Variants in ASB13 observed in about 807,000 individuals in gnomAD.
ASB13 encodes ankyrin repeat and SOCS box protein 13.
Under a neutral mutation model 28.8 loss-of-function variants are expected in ASB13, and 33 were observed. The ratio of observed to expected loss-of-function variants is 1.15; its 90% CI spans 0.87 to 1.53. ASB13 has a LOEUF of 1.53. ASB13 is among the 40% of genes most tolerant of loss of function. ASB13 has a pLI of 0.00. For synonymous variants in ASB13, 182 were observed against 172.9 expected (o/e 1.05, Z -0.41); for missense variants, 414 against 390.1 (o/e 1.06, Z -0.52).
Position 5,641,810 on chromosome 10 carries a change from C to T in ASB13, c.669G>A (p.Trp223Ter). Residue 223 changes from tryptophan (W) to a stop codon, truncating the protein, a stop_gained, in exon 5 of 6, where the codon TGG (tryptophan) becomes TGA (stop). Transcript: ENST00000357700. LOFTEE classifies it high-confidence loss of function. The surrounding 1 kb of genome is among the most constrained non-coding windows in gnomAD (Gnocchi z 8.4). ...AGCACTTGGCGGGAGCGCTGCTGCT[C>T]CACGTGTAGTCAGACGGCTTCTTCC... is the stretch of plus-strand genomic sequence containing the variant. ...NRGKKPSDYT[W>*]SSSAPAKCFE... The T allele has an allele frequency of 1.9e-6, 3 of 1,610,968 alleles. No individual in the cohort carries two copies. In the South Asian group the frequency reaches 3.3e-5, roughly 18 times the overall value.
chr10:5,653,743 G>A (rs1407797751), intron 1 of ASB13, among the ~76,000 whole-genome samples: 1 of 152,114 alleles, frequency 6.6e-6, no homozygotes, highest in Admixed American at 6.5e-5. Flanking sequence ...GTGCAATGGT[G>A]TGATCTCAGC....
In ASB13 at chr10:5,652,338, C is replaced by A. The variant is rs2131450342; in HGVS notation, c.231+525G>T. 6.6e-6 allele frequency among the ~76,000 whole-genome samples: 1 copy of A among 152,312 alleles called. No homozygotes were observed. Among genetic ancestry groups the A allele is most frequent in the East Asian group, 1.9e-4 (1 of 5,192 alleles). ...TACATTGGCCAGGGGTGTGCAGGGC[C>A]AGTGTTTGCCAGCTCGGGAGAGCTG... On this transcript the variant is annotated intron_variant, in intron 2 of 5. Coordinates refer to ENST00000357700, the MANE Select transcript of ASB13 (RefSeq NM_024701.4). This position sits in a 1 kb window ranked among gnomAD's most constrained non-coding sequence, Gnocchi z 5.0.
intron 1 of ASB13, among the ~76,000 whole-genome samples, chr10:5,657,888 C>T (rs542716822): frequency 5.3e-5 from 8 of 152,246 alleles, no homozygotes; most frequent in Non-Finnish European, 1.2e-4. Flanking sequence ...TGGCTCACAC[C>T]TGTAATCCCA....
rs193123462 is a variant in ASB13 at position 5,649,175 on chromosome 10, G to A, written c.383-71C>T. The A allele has an allele frequency of 1.4e-5, 22 of 1,590,754 alleles. No homozygotes were observed. In the Admixed American group the frequency reaches 1.8e-4, roughly 13 times the overall value. ...CTGGAGACAACAAGCACACAGACGC[G>A]GCAGGGGCAGCAGCCTCCATCCTTG... On this transcript the variant is annotated intron_variant, in intron 3 of 5. Coordinates refer to ENST00000357700, the MANE Select transcript of ASB13 (RefSeq NM_024701.4). This position sits in a 1 kb window ranked among gnomAD's most constrained non-coding sequence, Gnocchi z 6.4.
In ASB13 at chr10:5,658,746, T is replaced by A. The variant is rs1032640334; in HGVS notation, c.44-5696A>T. On this transcript the variant is annotated intron_variant, in intron 1 of 5. Coordinates refer to ENST00000357700, the MANE Select transcript of ASB13 (RefSeq NM_024701.4). This position sits in a 1 kb window ranked among gnomAD's most constrained non-coding sequence, Gnocchi z 4.2. The stretch of plus-strand genomic sequence containing the variant: ...TACAATTAAAAATAGAAAAAAAAAA[T>A]TTTTAAGTAACCAGAAGCTGGAGGA... 4.6e-5 allele frequency among the ~76,000 whole-genome samples: 7 copies of A among 151,824 alleles called. No homozygotes were observed. Among genetic ancestry groups the A allele is most frequent in the Admixed American group, 2.0e-4 (3 of 15,256 alleles).
intron 1 of ASB13, among the ~76,000 whole-genome samples, chr10:5,658,000 T>C (rs974159167): frequency 5.9e-5 from 9 of 151,608 alleles, no homozygotes; most frequent in Non-Finnish European, 5.9e-5. Flanking sequence ...ATACAAAAAT[T>C]AGCCAGGCAT....
chr10:5,646,855 C>T (rs76133158), intron 4 of ASB13, among the ~76,000 whole-genome samples: 2,268 of 152,220 alleles, frequency 0.015, 46 homozygotes, highest in African/African-American at 0.052. Flanking sequence ...GAACGCACTG[C>T]GCTGTGTTCA....
At chr10:5,666,345 A>C (rs1049883847) in intron 1 of ASB13, among the ~76,000 whole-genome samples, 164 bp downstream of exon 1, 1 of 152,072 alleles carries the variant, frequency 6.6e-6, no homozygotes, top group African/African-American at 2.4e-5. Context: ...GCGCGGCACC[A>C]CTGGGACCCT....
In ASB13 at chr10:5,644,173, T is replaced by G. The variant is rs1015226045; in HGVS notation, c.518-2212A>C. Among the ~76,000 whole-genome samples, 1 of 152,092 alleles carries G rather than the reference T, an allele frequency of 6.6e-6. No homozygotes were observed. The highest frequency in any genetic ancestry group is 2.4e-5 in the African/African-American group (1 of 41,404). ...AGTGAGCCAAGAAGAGAGTCAGAGA[T>G]GAAACTCGATCAGCTATGTTCATTA... On this transcript the variant is annotated intron_variant, in intron 4 of 5. Coordinates refer to ENST00000357700, the MANE Select transcript of ASB13 (RefSeq NM_024701.4). The surrounding 1 kb of genome is among the most constrained non-coding windows in gnomAD (Gnocchi z 5.1).
In ASB13 at chr10:5,652,913, G is replaced by T; in HGVS notation, c.181C>A (p.Leu61Met). 6.3e-7 allele frequency: 1 copy of T among 1,584,462 alleles called. No homozygotes were observed. Among genetic ancestry groups the T allele is most frequent in the Non-Finnish European group, 8.6e-7 (1 of 1,165,944 alleles). Residue 61 changes from leucine to methionine, a missense_variant, in exon 2 of 6, where the codon CTG (leucine) becomes ATG (methionine). Coordinates refer to ENST00000357700, the MANE Select transcript of ASB13 (RefSeq NM_024701.4). This position sits in a 1 kb window ranked among gnomAD's most constrained non-coding sequence, Gnocchi z 5.0. Reference sequence around the variant, plus strand: ...TGCACACACCGCGCCTGGCCCTGCAGACTGGCTGCGTGCAGGGGCGTGATG... The same window carrying T: ...TGCACACACCGCGCCTGGCCCTGCATACTGGCTGCGTGCAGGGGCGTGATG... ...DSITPLHAAS[L>M]QGQARCVQLL...
In ASB13 at chr10:5,651,579, T is replaced by A. The variant is rs1438604879; in HGVS notation, c.232-216A>T. 5 of 535,710 alleles carry A rather than the reference T, an allele frequency of 9.3e-6. No individual in the cohort carries two copies. Among genetic ancestry groups the A allele is most frequent in the Non-Finnish European group, 1.6e-5 (5 of 306,656 alleles). 33.2% of individuals were successfully genotyped at this position (535,710 alleles called of 1,614,324 possible). ...GAAGTCATCTCGTTCAGGATTCTTT[T>A]CTCTCAGGGCAGGATAAGCTCAGCA... On this transcript the variant is annotated intron_variant, in intron 2 of 5. Coordinates refer to ENST00000357700, the MANE Select transcript of ASB13 (RefSeq NM_024701.4). This position sits in a 1 kb window ranked among gnomAD's most constrained non-coding sequence, Gnocchi z 5.1.
In ASB13 at chr10:5,642,037, TCA is replaced by T; in HGVS notation, c.518-78_518-77del. 6.9e-7 allele frequency: 1 copy of T among 1,438,864 alleles called. No individual in the cohort carries two copies. The highest frequency in any genetic ancestry group is 9.6e-7 in the Non-Finnish European group (1 of 1,044,540). The allele number at this position is 1,438,864 out of a possible 1,614,324, so 89.1% of individuals were successfully genotyped here. Reference sequence around the variant, plus strand: ...CAGGGGGACAATCAGGTCCGTTTCGTCACACAGCACGGTGGCAGAAGCAATCC... The same window carrying T: ...CAGGGGGACAATCAGGTCCGTTTCGTCACAGCACGGTGGCAGAAGCAATCC... On this transcript the variant is annotated intron_variant, in intron 4 of 5. Coordinates refer to ENST00000357700, the MANE Select transcript of ASB13 (RefSeq NM_024701.4). This position sits in a 1 kb window ranked among gnomAD's most constrained non-coding sequence, Gnocchi z 4.1.
Position 5,664,799 on chromosome 10 carries a change from G to C in ASB13, c.43+1710C>G, listed in dbSNP as rs1835231432. 6.6e-6 allele frequency among the ~76,000 whole-genome samples: 1 copy of C among 151,988 alleles called. No homozygotes were observed. The highest frequency in any genetic ancestry group is 1.5e-5 in the Non-Finnish European group (1 of 67,998). ...AGGTTCAAGTGATTCTCCTGCCTCA[G>C]CCTCCCCAGTAGCTGAGATTACAGG... On this transcript the variant is annotated intron_variant, in intron 1 of 5. Transcript: ENST00000357700. This position sits in a 1 kb window ranked among gnomAD's most constrained non-coding sequence, Gnocchi z 4.2.
In ASB13 at chr10:5,645,570, G is replaced by A. The variant is rs1282822896; in HGVS notation, c.517+3400C>T. On this transcript the variant is annotated intron_variant, in intron 4 of 5. Coordinates refer to ENST00000357700, the MANE Select transcript of ASB13 (RefSeq NM_024701.4). The surrounding 1 kb of genome is among the most constrained non-coding windows in gnomAD (Gnocchi z 5.4). ...CACGTCCCCCGTGGGGTGCAACGTGGCTCTGCCTCACAGCTCAGCTCTCAA... is the reference window on the plus strand; with the variant it reads ...CACGTCCCCCGTGGGGTGCAACGTGACTCTGCCTCACAGCTCAGCTCTCAA... Among the ~76,000 whole-genome samples, 2 of 152,304 alleles carry A rather than the reference G, an allele frequency of 1.3e-5. No individual in the cohort carries two copies. Among genetic ancestry groups the A allele is most frequent in the South Asian group, 4.1e-4 (2 of 4,826 alleles).
rs1834873392 is a variant in ASB13 at position 5,645,629 on chromosome 10, C to T, written c.517+3341G>A. On this transcript the variant is annotated intron_variant, in intron 4 of 5. Coordinates refer to ENST00000357700, the MANE Select transcript of ASB13 (RefSeq NM_024701.4). The surrounding 1 kb of genome is among the most constrained non-coding windows in gnomAD (Gnocchi z 5.4). ...TGAAAGCACCTGCACTCATGTGGGCCCCGACTGGTTCAATCCCTCTCCCCT... is the reference window on the plus strand; with the variant it reads ...TGAAAGCACCTGCACTCATGTGGGCTCCGACTGGTTCAATCCCTCTCCCCT... Among the ~76,000 whole-genome samples, 1 of 152,150 alleles carries T rather than the reference C, an allele frequency of 6.6e-6. No individual in the cohort carries two copies. Among genetic ancestry groups the T allele is most frequent in the Admixed American group, 6.5e-5 (1 of 15,282 alleles).
At chr10:5,648,801 C>T (rs1468618920) in intron 4 of ASB13, among the ~76,000 whole-genome samples, 169 bp downstream of exon 4, 1 of 149,496 alleles carries the variant, frequency 6.7e-6, no homozygotes, top group Non-Finnish European at 1.5e-5. Flanking sequence ...CGGGCAAACA[C>T]CCACTCCGGT....
chr10:5,646,023 C>G (rs1344705636), intron 4 of ASB13, among the ~76,000 whole-genome samples: 2 of 152,204 alleles, frequency 1.3e-5, no homozygotes, highest in South Asian at 2.1e-4. Flanking sequence ...AGGAATCCCG[C>G]GTGGAGCTGA....
In ASB13 at chr10:5,649,561, T is replaced by G. The variant is rs1044962909; in HGVS notation, c.383-457A>C. 1.3e-5 allele frequency among the ~76,000 whole-genome samples: 1 copy of G among 74,564 alleles called. No homozygotes were observed. The highest frequency in any genetic ancestry group is 3.6e-5 in the Non-Finnish European group (1 of 27,768). The allele number at this position is 74,564 out of a possible 152,430, so 48.9% of individuals were successfully genotyped here. On this transcript the variant is annotated intron_variant, in intron 3 of 5. Transcript: ENST00000357700. This position sits in a 1 kb window ranked among gnomAD's most constrained non-coding sequence, Gnocchi z 6.4. The stretch of plus-strand genomic sequence containing the variant: ...TTTTTTTTTAGACAAAGTCTCATTC[T>G]GTTGCCCAGGATGGAATGCAGTGGT...
Position 5,651,310 on chromosome 10 carries a change from C to T in ASB13, c.285G>A (p.Ser95=), listed in dbSNP as rs186167224. 13 of 1,613,902 alleles carry T rather than the reference C, an allele frequency of 8.1e-6. No individual in the cohort carries two copies. Among genetic ancestry groups the T allele is most frequent in the East Asian group, 4.5e-5 (2 of 44,852 alleles). The change falls in exon 3 of 6, where the codon TCG becomes TCA. Residue 95 remains serine (S), a synonymous_variant. Transcript: ENST00000357700. The surrounding 1 kb of genome is among the most constrained non-coding windows in gnomAD (Gnocchi z 5.1). ...GSTPLCDACA[S]GSIECVKLLL... ...AGAGCTTCACACACTCGATGCTGCCCGAGGCGCAGGCATCGCAGAGCGGGG... is the reference window on the plus strand; with the variant it reads ...AGAGCTTCACACACTCGATGCTGCCTGAGGCGCAGGCATCGCAGAGCGGGG...
Sources: allele counts gnomAD v4.1 joint callset (sites outside exome capture counted in the v4.1 genomes callset), GRCh38; gene constraint gnomAD v4.1.1; non-coding constraint Gnocchi (gnomAD v3.1); transcripts MANE v1.5; gene names NCBI Gene and HGNC (gene_info 2026-07-23, HGNC 2026-07-21).